The following ANKS1B variants were observed in gnomAD, a reference collection of about 807,000 sequenced individuals.
ANKS1B encodes the protein ankyrin repeat and sterile alpha motif domain-containing protein 1B.
A neutral mutation model predicts 148.3 loss-of-function variants in ANKS1B; 36 were observed. The ratio of observed to expected loss-of-function variants is 0.24; its 90% CI spans 0.19 to 0.32. The LOEUF is 0.32. Among genes scored for constraint, ANKS1B ranks in the 10% least tolerant of loss-of-function variants. The pLI, the probability that ANKS1B is intolerant of heterozygous loss-of-function variation, is 1.00. For missense variants in ANKS1B, 1,157 were observed against 1,542.6 expected, an observed-to-expected ratio of 0.75 and a Z score of 4.19; for synonymous variants, 542 against 560.8, an observed-to-expected ratio of 0.97 and a Z score of 0.47.
chr12:98,863,866 G>C (rs1003256908), intron 17 of ANKS1B, among the ~76,000 whole-genome samples: 3 of 152,152 alleles, frequency 2.0e-5, no homozygotes, highest in Admixed American at 2.0e-4. Context: ...CCGTGATGTC[G>C]ATGATATAAC....
intron 8 of ANKS1B, among the ~76,000 whole-genome samples, chr12:99,756,859 T>C (rs189026709): frequency 1.3e-5 from 2 of 152,222 alleles, no homozygotes; most frequent in East Asian, 3.9e-4. Flanking sequence ...GGATTCCCTA[T>C]TCAATAAATG....
chr12:99,180,605 G>A (rs1434406678), intron 14 of ANKS1B, among the ~76,000 whole-genome samples: 2 of 150,362 alleles, frequency 1.3e-5, no homozygotes, highest in African/African-American at 4.9e-5. Flanking sequence ...TGAAATTGGG[G>A]AAAGTTCTTT....
At chr12:99,013,030 A>G (rs1291838622) in intron 17 of ANKS1B, among the ~76,000 whole-genome samples, 1 of 152,222 alleles carries the variant, frequency 6.6e-6, no homozygotes, top group Non-Finnish European at 1.5e-5. Context: ...GTGTGCAAAC[A>G]AACTTAAAAG....
At chr12:98,858,411 A>T (rs556800113) in intron 17 of ANKS1B, among the ~76,000 whole-genome samples, 5 of 152,222 alleles carry the variant, frequency 3.3e-5, no homozygotes, top group Non-Finnish European at 5.9e-5. Flanking sequence ...TGCTGAGATC[A>T]TGGCTCACTG....
chr12:99,484,748 TTGTG>T (rs764549996), intron 10 of ANKS1B, among the ~76,000 whole-genome samples: 8 of 142,686 alleles, frequency 5.6e-5, no homozygotes, highest in African/African-American at 8.2e-5. Context: ...GTGACCGTCT[TTGTG>T]TGTGTGTGTG....
At chr12:99,158,303 T>A (rs2076290629) in intron 14 of ANKS1B, among the ~76,000 whole-genome samples, 1 of 152,154 alleles carries the variant, frequency 6.6e-6, no homozygotes, top group South Asian at 2.1e-4. Context: ...TCAACTAGAA[T>A]GTCTTTAAGT....
chr12:99,772,947 A>G lies in ANKS1B; in HGVS notation c.1103T>C (p.Leu368Pro). The change falls in exon 8 of 27, where the codon CTT (leucine) becomes CCT (proline). Residue 368 changes from leucine to proline, a missense_variant. Transcript: ENST00000683438. Reference protein sequence around the residue: ...DNLSKISEEELGKNGSQSVRT... With the variant: ...DNLSKISEEEPGKNGSQSVRT... ...TACACTCTGGCTTCCATTTTTCCCAAGTTCTTCCTCTGAAATCTTGCTCAA... is the reference window on the plus strand; with the variant it reads ...TACACTCTGGCTTCCATTTTTCCCAGGTTCTTCCTCTGAAATCTTGCTCAA... 2 of 1,610,784 alleles carry G rather than the reference A, an allele frequency of 1.2e-6. No individual in the cohort carries two copies. The highest frequency in any genetic ancestry group is 1.7e-6 in the Non-Finnish European group (2 of 1,178,588).
At chr12:99,042,090 G>T (rs866774424) in intron 17 of ANKS1B, among the ~76,000 whole-genome samples, 3 of 152,042 alleles carry the variant, frequency 2.0e-5, no homozygotes, top group Admixed American at 6.6e-5. Context: ...AATCTCTGGG[G>T]TGCACTGATT....
chr12:99,482,584 A>G (rs2096429759), intron 10 of ANKS1B, among the ~76,000 whole-genome samples: 2 of 151,972 alleles, frequency 1.3e-5, no homozygotes, highest in African/African-American at 4.8e-5. Context: ...TGGTATTTTG[A>G]TGGGAATTGC....
chr12:99,539,717 T>G (rs2097106945), intron 9 of ANKS1B, among the ~76,000 whole-genome samples: 1 of 152,138 alleles, frequency 6.6e-6, no homozygotes, highest in African/African-American at 2.4e-5. Flanking sequence ...CTCTTCTGTT[T>G]TTGTTTGTTT....
chr12:99,341,390 A>G (rs1461610544), intron 12 of ANKS1B: 1 of 152,092 alleles, frequency 6.6e-6, no homozygotes, highest in East Asian at 1.9e-4. Context: ...ATCCACGCAC[A>G]CTACCCGACT....
chr12:99,067,417 C>T (rs577921659), intron 16 of ANKS1B, among the ~76,000 whole-genome samples: 1 of 152,266 alleles, frequency 6.6e-6, no homozygotes, highest in African/African-American at 2.4e-5. Flanking sequence ...TGAAGCAGCC[C>T]TTGGCATTCA....
At chr12:99,264,522 T>C (rs1410720814) in intron 12 of ANKS1B, among the ~76,000 whole-genome samples, 1 of 152,168 alleles carries the variant, frequency 6.6e-6, no homozygotes, top group African/African-American at 2.4e-5. Context: ...GACTGCTTAG[T>C]CTGGTTTCAT....
rs142097189 is a variant in ANKS1B at position 98,822,232 on chromosome 12, C to A, written c.3066+6942G>T. ...CACAGAATTAACCAAGACAGGGCCA[C>A]ACAAACAGCCCTATTTCTACTAGAT... On this transcript the variant is annotated intron_variant, in intron 19 of 26. Coordinates refer to ENST00000683438, the MANE Select transcript of ANKS1B (RefSeq NM_001352186.2). Among the ~76,000 whole-genome samples the A allele has an allele frequency of 1.7e-3, 252 of 152,212 alleles. 1 individual carries two copies. Among genetic ancestry groups the A allele is most frequent in the African/African-American group, 5.6e-3 (233 of 41,532 alleles).
intron 14 of ANKS1B, among the ~76,000 whole-genome samples, chr12:99,210,278 CTTTCTT>C (rs2083179230): frequency 6.6e-6 from 1 of 152,152 alleles, no homozygotes; most frequent in Non-Finnish European, 1.5e-5. Context: ...TTTCTTTCCT[CTTTCTT>C]TAACTCTTAC....
At chr12:98,734,957 G>T in exon 10 of ANKS1B, 1 of 373,078 alleles carries the variant, frequency 2.7e-6, no homozygotes. Flanking sequence ...GTCTTAAAAA[G>T]AAATTAGGAG....
chr12:98,789,185 A>T (rs2098824875), intron 22 of ANKS1B, among the ~76,000 whole-genome samples: 2 of 152,130 alleles, frequency 1.3e-5, no homozygotes, highest in Middle Eastern at 3.2e-3. Context: ...TCTACTAAAA[A>T]TTTAAAAATT....
chr12:99,613,878 T>A (rs887314623), intron 9 of ANKS1B, among the ~76,000 whole-genome samples: 2 of 151,352 alleles, frequency 1.3e-5, no homozygotes, highest in Non-Finnish European at 2.9e-5. Flanking sequence ...TCAAAATATA[T>A]GCATGGAAAA....
chr12:99,705,013 C>T (rs2055502459), intron 8 of ANKS1B, among the ~76,000 whole-genome samples: 2 of 152,046 alleles, frequency 1.3e-5, no homozygotes, highest in South Asian at 4.1e-4. Flanking sequence ...GACTTGAGAA[C>T]TGGATCCAAA....
Sources: allele counts gnomAD v4.1 joint callset (sites outside exome capture counted in the v4.1 genomes callset), GRCh38; gene constraint gnomAD v4.1.1; transcripts MANE v1.5; gene names NCBI Gene and HGNC (gene_info 2026-07-23, HGNC 2026-07-21).